Variants in ACSL5 observed in about 807,000 individuals in gnomAD.
ACSL5 encodes the protein long-chain-fatty-acid--CoA ligase 5.
Under a neutral mutation model 84.9 loss-of-function variants are expected in ACSL5, and 50 were observed. That is an observed-to-expected ratio of 0.59 (90% confidence interval 0.47 to 0.75). ACSL5 has a LOEUF of 0.75. ACSL5 is among the 30% of genes least tolerant of loss of function. The pLI, the probability that ACSL5 is intolerant of heterozygous loss-of-function variation, is 0.00. For synonymous variants in ACSL5, 280 were observed against 300.7 expected, an observed-to-expected ratio of 0.93 and a Z score of 0.71; for missense variants, 775 against 830.4, an observed-to-expected ratio of 0.93 and a Z score of 0.82.
At chr10:112,398,871 A>G in intron 2 of ACSL5, 30 bp from the exon 3 acceptor site, 1 of 1,588,540 alleles carries the variant, frequency 6.3e-7, no homozygotes, top group Non-Finnish European at 8.6e-7. Context: ...GGAGACTTGA[A>G]CTTGGCCTAA....
At chr10:112,421,171 T>C (rs1462335332) in intron 14 of ACSL5, among the ~76,000 whole-genome samples, 1 of 152,072 alleles carries the variant, frequency 6.6e-6, no homozygotes, top group African/African-American at 2.4e-5. Context: ...TGTTTGTTTG[T>C]TTTTTGAGAC....
At chr10:112,390,831 G>A (rs576879909) in intron 1 of ACSL5, among the ~76,000 whole-genome samples, 2 of 152,206 alleles carry the variant, frequency 1.3e-5, no homozygotes, top group African/African-American at 4.8e-5. Context: ...TCACATATAT[G>A]GTTTCATTTA....
At chr10:112,379,457 C>G (rs1426339594) in intron 1 of ACSL5, among the ~76,000 whole-genome samples, 1 of 150,762 alleles carries the variant, frequency 6.6e-6, no homozygotes, top group Non-Finnish European at 1.5e-5. Flanking sequence ...AACCTTTGCA[C>G]AGAAGTGGAG....
chr10:112,392,924 T>C, intron 1 of ACSL5, among the ~76,000 whole-genome samples: 2 of 151,834 alleles, frequency 1.3e-5, no homozygotes, highest in South Asian at 4.2e-4. Context: ...CAAATATATA[T>C]ATATATATAT....
chr10:112,426,999 A>G, intron 20 of ACSL5, 140 bp downstream of exon 20: 1 of 887,524 alleles, frequency 1.1e-6, no homozygotes, highest in Non-Finnish European at 1.8e-6. Flanking sequence ...GACCTTTTGT[A>G]GTTACTTGTA....
chr10:112,427,138 T>C, intron 20 of ACSL5, 80 bp from the exon 21 acceptor site: 1 of 1,443,070 alleles, frequency 6.9e-7, no homozygotes. Flanking sequence ...AACCTCACTT[T>C]CTTCACAGAG....
intron 1 of ACSL5, among the ~76,000 whole-genome samples, chr10:112,388,714 A>G (rs1415063664): frequency 6.6e-6 from 1 of 152,248 alleles, no homozygotes; most frequent in African/African-American, 2.4e-5. Context: ...ACTATTTCCC[A>G]GTGAACAGTG....
At chr10:112,394,814 G>A in intron 1 of ACSL5, 104 bp from the exon 2 acceptor site, 3 of 1,521,360 alleles carry the variant, frequency 2.0e-6, no homozygotes, top group South Asian at 2.5e-5. Flanking sequence ...GCGCGCGTGT[G>A]TGTGTGTATG....
At chr10:112,415,574 A>G (rs982325848) in intron 12 of ACSL5, among the ~76,000 whole-genome samples, 4 of 152,250 alleles carry the variant, frequency 2.6e-5, no homozygotes, top group African/African-American at 9.6e-5. Context: ...TAAGAATGGC[A>G]TGATGCAGGA....
At chr10:112,408,259 A>G in intron 5 of ACSL5, 163 bp from the exon 6 acceptor site, 2 of 534,896 alleles carry the variant, frequency 3.7e-6, no homozygotes, top group Non-Finnish European at 3.4e-6. Context: ...TGATCACACC[A>G]CTGCACTCCA....
chr10:112,413,941 C>CAA (rs1844251025), intron 12 of ACSL5, among the ~76,000 whole-genome samples: 1 of 152,054 alleles, frequency 6.6e-6, no homozygotes, highest in African/African-American at 2.4e-5. Context: ...TGAATCCTCA[C>CAA]AAAATCATAG....
At chr10:112,418,069 GA>G in intron 14 of ACSL5, 128 bp downstream of exon 14, 1 of 713,136 alleles carries the variant, frequency 1.4e-6, no homozygotes. Flanking sequence ...AAAATCCAAA[GA>G]AAATATCCTT....
chr10:112,423,732 T>C (rs1844566102), intron 17 of ACSL5, among the ~76,000 whole-genome samples: 1 of 152,122 alleles, frequency 6.6e-6, no homozygotes, highest in Non-Finnish European at 1.5e-5. Flanking sequence ...ATAAATTTGC[T>C]ACCAGCCAGG....
chr10:112,422,262 A>G, intron 16 of ACSL5, 63 bp from the exon 17 acceptor site: 1 of 1,423,422 alleles, frequency 7.0e-7, no homozygotes, highest in Non-Finnish European at 9.8e-7. Context: ...GTGTTTCATA[A>G]ACTGCCCACG....
chr10:112,404,841 C>A, intron 5 of ACSL5, 35 bp downstream of exon 5: 2 of 1,560,778 alleles, frequency 1.3e-6, no homozygotes, highest in South Asian at 1.1e-5. Context: ...GGAAATGAGT[C>A]AGGGTTAAGT....
intron 5 of ACSL5, among the ~76,000 whole-genome samples, chr10:112,407,249 G>C (rs1311233115): frequency 6.6e-6 from 1 of 151,964 alleles, no homozygotes; most frequent in African/African-American, 2.4e-5. Flanking sequence ...TTGTGAGACG[G>C]AGTTTCACTC....
chr10:112,384,211 C>T (rs1431658783), intron 1 of ACSL5, among the ~76,000 whole-genome samples: 1 of 151,846 alleles, frequency 6.6e-6, no homozygotes, highest in Non-Finnish European at 1.5e-5. Flanking sequence ...AAACAAAAAT[C>T]TCATCCCCCT....
At chr10:112,374,522 T>G (rs181790765) in intron 1 of ACSL5, among the ~76,000 whole-genome samples, 329 of 152,276 alleles carry the variant, frequency 2.2e-3, no homozygotes, top group Non-Finnish European at 4.1e-3. Flanking sequence ...AAGGGAACAC[T>G]GATTTTGGTA....
At position 112,424,401 on chromosome 10, in the gene ACSL5, G is replaced by C. The variant is rs545717544; in HGVS notation, c.1594-937G>C. ...TTTAAGTGAGATTTAAGGAATGCTT[G>C]ACAATGTAACTTTTAAGAACACTGG... On this transcript the variant is annotated intron_variant, in intron 17 of 20. Transcript: ENST00000354655. 108 of 152,346 alleles carry C rather than the reference G, an allele frequency of 7.1e-4. 1 individual carries two copies. Among genetic ancestry groups the C allele is most frequent in the African/African-American group, 2.5e-3 (102 of 41,588 alleles). The allele number at this position is 152,346 out of a possible 1,614,324, so 9.4% of individuals were successfully genotyped here.
Sources: gnomAD v4.1 joint callset for allele counts (sites outside exome capture counted in the v4.1 genomes callset) on GRCh38, gnomAD v4.1.1 for gene constraint, MANE v1.5 for transcripts, NCBI Gene and HGNC (gene_info 2026-07-23, HGNC 2026-07-21) for gene names.